The following PIP5K1B variants were observed in gnomAD, a reference collection of about 807,000 sequenced individuals.
The protein encoded by PIP5K1B is phosphatidylinositol 4-phosphate 5-kinase type-1 beta.
In PIP5K1B, 42 loss-of-function variants were observed where a neutral mutation model predicts 67.0. That is an observed-to-expected ratio of 0.63 (90% CI 0.49 to 0.81). PIP5K1B has a LOEUF of 0.81. PIP5K1B is among the 30% of genes least tolerant of loss of function. The pLI is 0.00. For missense variants in PIP5K1B, 459 were observed against 646.3 expected (o/e 0.71, Z 3.14); for synonymous variants, 214 against 231.4 (o/e 0.92, Z 0.68).
intron 14 of PIP5K1B, among the ~76,000 whole-genome samples, chr9:68,976,323 G>C (rs1355233323): frequency 5.3e-5 from 8 of 152,196 alleles, no homozygotes; most frequent in African/African-American, 1.4e-4. Context: ...ACTTTAGTTA[G>C]AGAAGACCAA....
chr9:68,739,661 T>C (rs778252281), intron 1 of PIP5K1B, among the ~76,000 whole-genome samples: 2 of 152,216 alleles, frequency 1.3e-5, no homozygotes, highest in Non-Finnish European at 1.5e-5. Context: ...CTGTTTCCTG[T>C]GCTTCTCCTC....
At chr9:68,714,194 C>G (rs542021919) in intron 1 of PIP5K1B, among the ~76,000 whole-genome samples, 96 of 152,328 alleles carry the variant, frequency 6.3e-4, no homozygotes, top group African/African-American at 2.2e-3. Flanking sequence ...AAAGGCACCT[C>G]AAATTCTACA....
At chr9:68,762,362 A>T (rs925886766) in intron 2 of PIP5K1B, among the ~76,000 whole-genome samples, 4 of 152,120 alleles carry the variant, frequency 2.6e-5, no homozygotes, top group Non-Finnish European at 5.9e-5. Context: ...ACAGATTCAT[A>T]ATGCCCATAG....
intron 8 of PIP5K1B, among the ~76,000 whole-genome samples, chr9:68,917,016 C>T (rs1826134356): frequency 6.6e-6 from 1 of 152,140 alleles, no homozygotes; most frequent in African/African-American, 2.4e-5. Flanking sequence ...AAGATACAAG[C>T]GTACAAACTT....
chr9:68,731,101 A>T (rs1828407660), intron 1 of PIP5K1B, among the ~76,000 whole-genome samples: 1 of 152,148 alleles, frequency 6.6e-6, no homozygotes, highest in African/African-American at 2.4e-5. Context: ...AATATGTGTG[A>T]TAATTTTGGT....
intron 2 of PIP5K1B, among the ~76,000 whole-genome samples, chr9:68,786,441 A>T (rs1587447363): frequency 6.6e-6 from 1 of 150,998 alleles, no homozygotes; most frequent in East Asian, 1.9e-4. Flanking sequence ...TTTCCTTTTG[A>T]ATTTAGGCCC....
At chr9:68,862,419 G>C (rs577275826) in intron 4 of PIP5K1B, among the ~76,000 whole-genome samples, 1 of 152,272 alleles carries the variant, frequency 6.6e-6, no homozygotes. Flanking sequence ...GAGGATCAAG[G>C]ACCGAATTCA....
chr9:68,780,021 C>A (rs984270753), intron 2 of PIP5K1B: 1 of 1,139,634 alleles, frequency 8.8e-7, no homozygotes, highest in Non-Finnish European at 1.2e-6. Flanking sequence ...TCGCGAGCGC[C>A]TGCGCGAAGG....
chr9:68,799,981 T>C (rs187164210), intron 2 of PIP5K1B, among the ~76,000 whole-genome samples: 1 of 151,940 alleles, frequency 6.6e-6, no homozygotes, highest in Non-Finnish European at 1.5e-5. Flanking sequence ...AAACTATACA[T>C]CTGAAAAGGG....
At position 68,884,896 on chromosome 9, in the gene PIP5K1B, A is replaced by T. The variant is rs568462435; in HGVS notation, c.319-4085A>T. On this transcript the variant is annotated intron_variant, in intron 6 of 15. Transcript: ENST00000265382. ...TCATACAACCATTTTGGAAAACAGT[A>T]GGGAGGTTCCTCAAATAGCTAAAAA... Among the ~76,000 whole-genome samples, 181 of 152,340 alleles carry T rather than the reference A, an allele frequency of 1.2e-3. 1 individual carries two copies. The highest frequency in any genetic ancestry group is 4.2e-3 in the African/African-American group (176 of 41,576).
chr9:69,005,731 A>G (rs1314760657), intron 15 of PIP5K1B, among the ~76,000 whole-genome samples: 1 of 152,068 alleles, frequency 6.6e-6, no homozygotes, highest in Non-Finnish European at 1.5e-5. Context: ...CTTCATAGTC[A>G]TCTGGCCCAA....
intron 14 of PIP5K1B, among the ~76,000 whole-genome samples, chr9:68,971,976 A>G (rs556688911): frequency 6.6e-6 from 1 of 152,080 alleles, no homozygotes; most frequent in Non-Finnish European, 1.5e-5. Flanking sequence ...GCTATGCAGG[A>G]GCTCTTTAGT....
intron 2 of PIP5K1B, among the ~76,000 whole-genome samples, chr9:68,765,926 A>C (rs1331803086): frequency 6.6e-6 from 1 of 152,180 alleles, no homozygotes; most frequent in East Asian, 1.9e-4. Context: ...ACTGCTGGAA[A>C]TTTAACCTTA....
At chr9:68,900,211 A>G (rs1825293151) in intron 8 of PIP5K1B, among the ~76,000 whole-genome samples, 1 of 152,122 alleles carries the variant, frequency 6.6e-6, no homozygotes, top group Admixed American at 6.6e-5. Context: ...TATTGTGAAT[A>G]TGGACTTTAT....
intron 2 of PIP5K1B, chr9:68,780,086 GCGGCGGCGGC>G: frequency 1.5e-6 from 2 of 1,377,062 alleles, no homozygotes; most frequent in Non-Finnish European, 1.9e-6. Flanking sequence ...GGCGGCGGCA[GCGGCGGCGGC>G]CCTGGACTGC....
chr9:68,853,403 A>G (rs1822593566), intron 4 of PIP5K1B, among the ~76,000 whole-genome samples: 1 of 152,180 alleles, frequency 6.6e-6, no homozygotes, highest in African/African-American at 2.4e-5. Flanking sequence ...ATATGTCATG[A>G]GTAACCCACA....
At chr9:68,772,468 A>G (rs1011553446) in intron 2 of PIP5K1B, among the ~76,000 whole-genome samples, 12 of 152,214 alleles carry the variant, frequency 7.9e-5, no homozygotes, top group East Asian at 5.8e-4. Flanking sequence ...ATTAGTCCCA[A>G]TTGAAAAGTT....
At chr9:68,889,258 A>AT in intron 7 of PIP5K1B, 125 bp downstream of exon 7, 2 of 688,362 alleles carry the variant, frequency 2.9e-6, no homozygotes, top group Non-Finnish European at 5.0e-6. Flanking sequence ...TTTATTCTGC[A>AT]TTTAAATTAT....
chr9:68,938,223 G>A (rs975462842), intron 13 of PIP5K1B, among the ~76,000 whole-genome samples: 9 of 152,168 alleles, frequency 5.9e-5, no homozygotes, highest in African/African-American at 1.9e-4. Flanking sequence ...CTATTATTGT[G>A]TGGGAGTCTA....
Sources: allele counts gnomAD v4.1 joint callset (sites outside exome capture counted in the v4.1 genomes callset), GRCh38; gene constraint gnomAD v4.1.1; transcripts MANE v1.5; gene names NCBI Gene and HGNC (gene_info 2026-07-23, HGNC 2026-07-21).